Variants in ANKS1B observed in about 807,000 individuals in gnomAD.
The protein encoded by ANKS1B is ankyrin repeat and sterile alpha motif domain-containing protein 1B.
Under a neutral mutation model 148.3 loss-of-function variants are expected in ANKS1B, and 36 were observed. That is an observed-to-expected ratio of 0.24 (90% CI 0.19 to 0.32). The LOEUF (loss-of-function observed/expected upper bound fraction) is 0.32. ANKS1B is among the 10% of genes least tolerant of loss of function. ANKS1B has a pLI of 1.00. For synonymous variants in ANKS1B, 542 were observed against 560.8 expected, an observed-to-expected ratio of 0.97 and a Z score of 0.47; for missense variants, 1,157 against 1,542.6, an observed-to-expected ratio of 0.75 and a Z score of 4.19.
intron 11 of ANKS1B, among the ~76,000 whole-genome samples, chr12:99,429,943 G>A (rs559838507): frequency 1.7e-4 from 26 of 151,256 alleles, no homozygotes; most frequent in African/African-American, 5.3e-4. Context: ...CAGCCTGGGC[G>A]ACAGAGCAAG....
intron 1 of ANKS1B, among the ~76,000 whole-genome samples, chr12:99,837,299 G>C (rs1267967863): frequency 2.6e-4 from 39 of 152,114 alleles, no homozygotes; most frequent in Admixed American, 2.6e-3. Context: ...GAGAACCACA[G>C]ACCTCCAGGA....
intron 9 of ANKS1B, among the ~76,000 whole-genome samples, chr12:99,611,599 C>A (rs1301018593): frequency 6.6e-6 from 1 of 152,066 alleles, no homozygotes; most frequent in East Asian, 1.9e-4. Context: ...CAGCCAGCCT[C>A]CCCTGAGACT....
rs2098387248 is a variant in ANKS1B at position 99,647,922 on chromosome 12, G to A, written c.1272+7145C>T. 5 of 486,230 alleles carry A rather than the reference G, an allele frequency of 1.0e-5. No homozygotes were observed. The South Asian group carries it at 1.6e-4, about 15-fold the overall frequency. 30.1% of individuals were successfully genotyped at this position (486,230 alleles called of 1,614,324 possible). A position where few individuals can be genotyped will look rare whatever the true frequency, so the allele number is the denominator to read the frequency against. ...GACATCCACGAGGGCCCCAACACCT[G>A]TGCTCCTGACAGCTCCATGCACTAA... On this transcript the variant is annotated intron_variant, in intron 9 of 26. Transcript: ENST00000683438.
At chr12:99,257,981 C>T (rs924837674) in intron 12 of ANKS1B, among the ~76,000 whole-genome samples, 2 of 152,166 alleles carry the variant, frequency 1.3e-5, no homozygotes, top group Non-Finnish European at 2.9e-5. Context: ...GTCTCAAGAA[C>T]ATGTCTTATT....
intron 17 of ANKS1B, among the ~76,000 whole-genome samples, chr12:98,949,260 G>A (rs538556229): frequency 6.6e-6 from 1 of 152,140 alleles, no homozygotes; most frequent in Non-Finnish European, 1.5e-5. Flanking sequence ...CCAGGTATGA[G>A]CTACTTTTAA....
chr12:99,095,684 G>T (rs895934334), intron 15 of ANKS1B, among the ~76,000 whole-genome samples: 4 of 152,272 alleles, frequency 2.6e-5, no homozygotes, highest in Non-Finnish European at 2.9e-5. Context: ...ATTAATAGAG[G>T]TTATAATGGA....
At chr12:99,329,244 T>C (rs992576592) in intron 12 of ANKS1B, among the ~76,000 whole-genome samples, 1 of 151,990 alleles carries the variant, frequency 6.6e-6, no homozygotes, top group African/African-American at 2.4e-5. Flanking sequence ...TTTAACATTA[T>C]GTTGTCAGAA....
chr12:98,945,505 C>CAAAAAAAAAAAAAAAAAAAAAAAA (rs3051086), intron 17 of ANKS1B, among the ~76,000 whole-genome samples: 2 of 30,290 alleles, frequency 6.6e-5, no homozygotes, highest in African/African-American at 2.2e-4. Flanking sequence ...AACAAACAAA[C>CAAAAAAAAAAAAAAAAAAAAAAAA]AAAAAAAAAA....
At chr12:99,463,773 A>G (rs2096037700) in intron 10 of ANKS1B, among the ~76,000 whole-genome samples, 1 of 152,198 alleles carries the variant, frequency 6.6e-6, no homozygotes, top group Admixed American at 6.5e-5. Context: ...TGCTTAGGTA[A>G]ACAAAGCAGC....
rs568403099 is a variant in ANKS1B, at chr12:99,404,043, C to T, written c.1576-4232G>A. On this transcript the variant is annotated intron_variant, in intron 11 of 26. Transcript: ENST00000683438. The stretch of plus-strand genomic sequence containing the variant: ...CCTTTTCAGGAACATGGTTGGAGAC[C>T]GAGGCTATTATCCTTAGCAAACTAA... Among the ~76,000 whole-genome samples the T allele has an allele frequency of 6.8e-5, 10 of 146,010 alleles. 2 individuals carry two copies. The South Asian group carries it at 8.4e-4, about 12-fold the overall frequency.
At chr12:99,778,165 A>G (rs2063872035) in intron 6 of ANKS1B, among the ~76,000 whole-genome samples, 1 of 151,330 alleles carries the variant, frequency 6.6e-6, no homozygotes, top group Admixed American at 6.6e-5. Context: ...GCGCCACTGC[A>G]CTCCAGCCTG....
At chr12:99,875,016 C>G (rs11110079) in intron 1 of ANKS1B, among the ~76,000 whole-genome samples, 89 of 152,146 alleles carry the variant, frequency 5.8e-4, no homozygotes, top group Middle Eastern at 3.4e-3. Flanking sequence ...AATAACTTAA[C>G]CTCTCCTGGC....
intron 26 of ANKS1B, among the ~76,000 whole-genome samples, chr12:98,749,386 C>A (rs781278004): frequency 1.3e-5 from 2 of 151,958 alleles, no homozygotes; most frequent in African/African-American, 4.8e-5. Flanking sequence ...GGATTACAGG[C>A]GTGAGCCACC....
chr12:99,299,034 G>A (rs2081265226), intron 12 of ANKS1B, among the ~76,000 whole-genome samples: 1 of 150,688 alleles, frequency 6.6e-6, no homozygotes, highest in Non-Finnish European at 1.5e-5. Flanking sequence ...TTGGCCACAG[G>A]CCATTTATCC....
intron 23 of ANKS1B, 110 bp from the exon 24 acceptor site, chr12:98,781,313 AACACACACACAC>A (rs59308427): frequency 1.5e-5 from 9 of 613,998 alleles, no homozygotes; most frequent in Non-Finnish European, 2.4e-5. Context: ...AAACAACAAC[AACACACACACAC>A]ACACACACAC....
chr12:99,867,213 C>A (rs563806473), intron 1 of ANKS1B, among the ~76,000 whole-genome samples: 6 of 152,220 alleles, frequency 3.9e-5, no homozygotes, highest in African/African-American at 1.4e-4. Context: ...CTTTCCCTTC[C>A]CACGGCACAA....
intron 17 of ANKS1B, among the ~76,000 whole-genome samples, chr12:98,909,953 G>A (rs990559203): frequency 5.3e-5 from 8 of 152,248 alleles, no homozygotes; most frequent in Non-Finnish European, 7.3e-5. Context: ...TCAGCTGCCA[G>A]CAGCCAATGG....
At chr12:98,793,900 C>G (rs1266233866) in intron 22 of ANKS1B, among the ~76,000 whole-genome samples, 2 of 152,052 alleles carry the variant, frequency 1.3e-5, no homozygotes, top group African/African-American at 2.4e-5. Flanking sequence ...TATGGGTAAG[C>G]CTAGGGAGGC....
chr12:98,848,084 A>G (rs1567122443), intron 17 of ANKS1B, among the ~76,000 whole-genome samples: 1 of 152,244 alleles, frequency 6.6e-6, no homozygotes, highest in Non-Finnish European at 1.5e-5. Context: ...GAATCATCAA[A>G]TGGAAAAGTA....
Sources: gnomAD v4.1 joint callset for allele counts (sites outside exome capture counted in the v4.1 genomes callset) on GRCh38, gnomAD v4.1.1 for gene constraint, MANE v1.5 for transcripts, NCBI Gene and HGNC (gene_info 2026-07-23, HGNC 2026-07-21) for gene names.